Variants in SORCS1 observed in about 807,000 individuals in gnomAD.
The protein encoded by SORCS1 is sortilin related VPS10 domain containing receptor 1, also known as VPS10 domain-containing receptor SorCS1.
In SORCS1, 60 loss-of-function variants were observed where a neutral mutation model predicts 146.1. The ratio of observed to expected loss-of-function variants is 0.41; its 90% CI spans 0.33 to 0.51. SORCS1 has a LOEUF of 0.51. Ranked by LOEUF, SORCS1 falls within the 20% of genes least tolerant of loss-of-function variation. SORCS1 has a pLI of 0.21. For synonymous variants in SORCS1, 637 were observed against 584.0 expected, an observed-to-expected ratio of 1.09 and a Z score of -1.31; for missense variants, 1,352 against 1,487.6, an observed-to-expected ratio of 0.91 and a Z score of 1.50.
intron 5 of SORCS1, among the ~76,000 whole-genome samples, chr10:106,741,030 G>C (rs1857323911): frequency 6.6e-6 from 1 of 152,182 alleles, no homozygotes; most frequent in Admixed American, 6.5e-5. Context: ...TACTACTACT[G>C]TCAAGAGTAT....
chr10:106,769,218 G>T (rs1255124752), intron 4 of SORCS1, among the ~76,000 whole-genome samples: 1 of 152,226 alleles, frequency 6.6e-6, no homozygotes, highest in Admixed American at 6.5e-5. Flanking sequence ...GGGAGCGGTG[G>T]CTCACGCTTG....
intron 1 of SORCS1, among the ~76,000 whole-genome samples, chr10:107,131,801 T>C (rs1476552845): frequency 6.6e-6 from 1 of 152,176 alleles, no homozygotes; most frequent in Non-Finnish European, 1.5e-5. Context: ...GAAAATCCTC[T>C]GTGACAAAAA....
chr10:106,620,599 G>C (rs1488948211), intron 19 of SORCS1, 38 bp from the exon 20 acceptor site: 27 of 1,606,084 alleles, frequency 1.7e-5, no homozygotes, highest in Non-Finnish European at 2.3e-5. Context: ...GGATGGGGAA[G>C]AGCTTCCTCT....
intron 2 of SORCS1, among the ~76,000 whole-genome samples, chr10:106,884,354 T>C (rs890267868): frequency 2.0e-5 from 3 of 152,208 alleles, no homozygotes; most frequent in African/African-American, 7.2e-5. Context: ...TCTGGAAGCA[T>C]CAAAGATTGT....
At chr10:107,179,276 T>C in the SORCS1 span, among the ~76,000 whole-genome samples, 1 of 152,214 alleles carries the variant, frequency 6.6e-6, no homozygotes, top group East Asian at 1.9e-4. Flanking sequence ...GAATTTATTT[T>C]TATTGTTTTC....
At chr10:106,816,924 T>C (rs779708179) in intron 3 of SORCS1, among the ~76,000 whole-genome samples, 15 of 152,172 alleles carry the variant, frequency 9.9e-5, no homozygotes, top group Non-Finnish European at 1.5e-4. Context: ...TCTATGGTAG[T>C]AATTGACTGA....
chr10:106,967,205 G>A (rs1177906384), intron 1 of SORCS1, among the ~76,000 whole-genome samples: 1 of 151,484 alleles, frequency 6.6e-6, no homozygotes, highest in East Asian at 1.9e-4. Context: ...TTCCTCCCCT[G>A]CCACCTCCTT....
the SORCS1 span, among the ~76,000 whole-genome samples, chr10:107,177,331 G>A: frequency 3.9e-4 from 60 of 152,150 alleles, no homozygotes; most frequent in African/African-American, 1.3e-3. Flanking sequence ...TAAATACAGG[G>A]TATTCCCATG....
At chr10:107,154,853 G>C (rs1290907801) in intron 1 of SORCS1, among the ~76,000 whole-genome samples, 23 of 152,110 alleles carry the variant, frequency 1.5e-4, no homozygotes, top group Admixed American at 1.5e-3. Flanking sequence ...GTTAATTTCT[G>C]TTAAGAAGTT....
In SORCS1 at chr10:106,688,255, T is replaced by C; in HGVS notation, c.1497A>G (p.Arg499=). 6.2e-7 allele frequency: 1 copy of C among 1,614,108 alleles called. No homozygotes were observed. Among genetic ancestry groups the C allele is most frequent in the Non-Finnish European group, 8.5e-7 (1 of 1,179,960 alleles). The change falls in exon 10 of 26, where the codon AGA becomes AGG. Residue 499 remains arginine, a synonymous_variant. Transcript: ENST00000263054. ...VKTFITYNKG[R]DWRLLQAPDT... is the part of the protein sequence containing the mutation. Reference sequence around the variant, plus strand: ...CCGGCGCCTGCAGCAAACGCCAGTCTCTGCCTTTGTTATATGTGATGAAAG... The same window carrying C: ...CCGGCGCCTGCAGCAAACGCCAGTCCCTGCCTTTGTTATATGTGATGAAAG...
chr10:106,670,201 C>T (rs78194614), intron 16 of SORCS1, among the ~76,000 whole-genome samples: 5,371 of 152,280 alleles, frequency 0.035, 129 homozygotes, highest in Middle Eastern at 0.075. Flanking sequence ...GGAGTTACCA[C>T]CTACTTGTCC....
chr10:106,878,796 A>G (rs1268772105), intron 2 of SORCS1, among the ~76,000 whole-genome samples: 1 of 150,810 alleles, frequency 6.6e-6, no homozygotes, highest in Non-Finnish European at 1.5e-5. Context: ...CATTTTTTAC[A>G]TATACTAATG....
At chr10:106,861,382 A>G (rs944277607) in intron 2 of SORCS1, among the ~76,000 whole-genome samples, 7 of 148,328 alleles carry the variant, frequency 4.7e-5, no homozygotes, top group African/African-American at 1.5e-4. Context: ...CCTGGGGGAC[A>G]GAGTGAGACT....
chr10:106,874,999 A>G (rs1355347110), intron 2 of SORCS1, among the ~76,000 whole-genome samples: 1 of 151,956 alleles, frequency 6.6e-6, no homozygotes, highest in African/African-American at 2.4e-5. Flanking sequence ...GGTAAAAGTG[A>G]TTTTTGGTTG....
At chr10:107,143,472 C>T (rs529251186) in intron 1 of SORCS1, among the ~76,000 whole-genome samples, 134 of 152,122 alleles carry the variant, frequency 8.8e-4, no homozygotes, top group Middle Eastern at 3.4e-3. Flanking sequence ...GGACTACAGA[C>T]GCACACCTCC....
In SORCS1 at chr10:106,606,302, C is replaced by T. The variant is rs1005965894; in HGVS notation, c.3165+864G>A. On this transcript the variant is annotated intron_variant, in intron 23 of 25. Transcript: ENST00000263054. ...ACACACACACACACACACACACACA[C>T]ACACACACACACACACACACTCAAA... Among the ~76,000 whole-genome samples the T allele has an allele frequency of 6.2e-3, 539 of 87,090 alleles. 2 individuals are homozygous for T. The highest frequency in any genetic ancestry group is 0.014 in the Non-Finnish European group (410 of 30,046). The allele number at this position is 87,090 out of a possible 152,430, so 57.1% of individuals were successfully genotyped here. A position where few individuals can be genotyped will look rare whatever the true frequency, so the allele number is the denominator to read the frequency against.
At chr10:107,110,755 G>T (rs1565057582) in intron 1 of SORCS1, among the ~76,000 whole-genome samples, 1 of 152,082 alleles carries the variant, frequency 6.6e-6, no homozygotes, top group Non-Finnish European at 1.5e-5. Context: ...AGGACTGCCT[G>T]CCCAGGTACA....
At chr10:106,642,491 A>C (rs551486410) in intron 18 of SORCS1, among the ~76,000 whole-genome samples, 5 of 152,330 alleles carry the variant, frequency 3.3e-5, no homozygotes, top group African/African-American at 9.6e-5. Flanking sequence ...CACTATTTTC[A>C]AAGTAAATTC....
intron 1 of SORCS1, among the ~76,000 whole-genome samples, chr10:107,104,579 GA>G (rs1016426711): frequency 6.6e-6 from 1 of 150,686 alleles, no homozygotes; most frequent in Non-Finnish European, 1.5e-5. Flanking sequence ...TCCCAGAAAA[GA>G]AAAAAAAAGC....
Sources: allele counts gnomAD v4.1 joint callset (sites outside exome capture counted in the v4.1 genomes callset), GRCh38; gene constraint gnomAD v4.1.1; transcripts MANE v1.5; gene names NCBI Gene and HGNC (gene_info 2026-07-23, HGNC 2026-07-21).